ROBO1: variants seen among roughly 807,000 people sequenced by gnomAD.
ROBO1 encodes the protein roundabout guidance receptor 1.
In ROBO1, 149 loss-of-function variants were observed where a neutral mutation model predicts 195.9. That is an observed-to-expected ratio of 0.76 (90% CI 0.67 to 0.87). The LOEUF is 0.87. Ranked by LOEUF, ROBO1 falls within the 40% of genes least tolerant of loss-of-function variation. The probability of loss-of-function intolerance (pLI) is 0.00; values close to 1 mark genes in which losing one functional copy is unlikely to be tolerated. For missense variants in ROBO1, 1,933 were observed against 2,068.3 expected (o/e 0.93, Z 1.27); for synonymous variants, 816 against 733.2 (o/e 1.11, Z -1.82).
At chr3:79,752,096 A>G (rs531054093) in intron 1 of ROBO1, among the ~76,000 whole-genome samples, 2 of 152,278 alleles carry the variant, frequency 1.3e-5, no homozygotes, top group East Asian at 3.9e-4. Flanking sequence ...TACAATTCTG[A>G]CAGATGTAGG....
chr3:79,725,660 C>T lies in ROBO1; in HGVS notation c.-51+42092G>A, dbSNP rs563592045. Among the ~76,000 whole-genome samples, 246 of 152,210 alleles carry T rather than the reference C, an allele frequency of 1.6e-3. 1 individual carries two copies. The highest frequency in any genetic ancestry group is 5.4e-3 in the African/African-American group (225 of 41,530). ...TTATAATGCCCCTAAATTAATCACC[C>T]CCAAATCACCTCTTCTCCAGTTTCT... On this transcript the variant is annotated intron_variant, in intron 1 of 30. Coordinates refer to ENST00000464233, the MANE Select transcript of ROBO1 (RefSeq NM_002941.4).
intron 2 of ROBO1, among the ~76,000 whole-genome samples, chr3:79,404,687 C>A (rs570473417): frequency 2.6e-5 from 4 of 152,170 alleles, no homozygotes; most frequent in Middle Eastern, 3.4e-3. Flanking sequence ...TGGAAAGAGA[C>A]ATAGGATGAA....
intron 4 of ROBO1, among the ~76,000 whole-genome samples, chr3:78,813,743 G>GC (rs1397163884): frequency 2.0e-5 from 3 of 151,958 alleles, no homozygotes; most frequent in African/African-American, 7.2e-5. Context: ...TATAGTATTG[G>GC]CCTAAGTCTA....
intron 1 of ROBO1, among the ~76,000 whole-genome samples, chr3:79,716,516 T>G (rs1176041809): frequency 6.6e-6 from 1 of 151,972 alleles, no homozygotes; most frequent in East Asian, 1.9e-4. Context: ...CTAATTTATT[T>G]AACGAAACAA....
chr3:78,925,003 A>G (rs2107616388), intron 4 of ROBO1, among the ~76,000 whole-genome samples: 1 of 152,158 alleles, frequency 6.6e-6, no homozygotes, highest in South Asian at 2.1e-4. Context: ...TTAAAAATCT[A>G]AATTCCAAAT....
intron 2 of ROBO1, among the ~76,000 whole-genome samples, chr3:79,556,609 A>T (rs1481475200): frequency 6.6e-6 from 1 of 152,020 alleles, no homozygotes; most frequent in Non-Finnish European, 1.5e-5. Flanking sequence ...AGACATTGAC[A>T]AATTATTTTA....
At chr3:78,828,104 T>C (rs1286804860) in intron 4 of ROBO1, among the ~76,000 whole-genome samples, 2 of 152,234 alleles carry the variant, frequency 1.3e-5, no homozygotes, top group African/African-American at 2.4e-5. Flanking sequence ...GTTTGCTTTG[T>C]ATAATCAGAG....
At chr3:79,429,224 A>T (rs981948773) in intron 2 of ROBO1, among the ~76,000 whole-genome samples, 3 of 152,054 alleles carry the variant, frequency 2.0e-5, no homozygotes, top group African/African-American at 7.2e-5. Flanking sequence ...CCATACATAC[A>T]CTCCTTTGAA....
At chr3:78,614,576 T>C (rs1703995089) in intron 28 of ROBO1, 72 bp downstream of exon 28, 1 of 1,481,342 alleles carries the variant, frequency 6.8e-7, no homozygotes, top group Non-Finnish European at 9.2e-7. Context: ...AGTGAATGCA[T>C]TTGCTAGTCC....
In ROBO1 at chr3:78,681,336, T is replaced by TA. The variant is rs919252413; in HGVS notation, c.1342+4409dup. 6.9e-3 allele frequency among the ~76,000 whole-genome samples: 1,035 copies of TA among 149,310 alleles called. 5 individuals carry two copies. Among genetic ancestry groups the TA allele is most frequent in the Non-Finnish European group, 0.011 (718 of 67,156 alleles). On this transcript the variant is annotated intron_variant, in intron 10 of 30. Transcript: ENST00000464233. ...TACCCTAAAACTTAAAGTATAATAA[T>TA]AAAAAAAAAATCTATGGAGCATTTG...
intron 1 of ROBO1, among the ~76,000 whole-genome samples, chr3:79,710,001 A>G (rs973304876): frequency 2.0e-4 from 30 of 152,184 alleles, no homozygotes; most frequent in African/African-American, 7.2e-4. Context: ...TCTGTTGTTT[A>G]TAAGCCACCC....
chr3:78,880,319 A>G (rs2036107268), intron 4 of ROBO1, among the ~76,000 whole-genome samples: 2 of 152,168 alleles, frequency 1.3e-5, no homozygotes, highest in African/African-American at 4.8e-5. Context: ...TCCACAAAAC[A>G]AGAGCAGTGA....
rs1559711949 is a variant in ROBO1, at chr3:78,662,039, TG to T, written c.2041del (p.His681ThrfsTer17). 6.2e-7 allele frequency: 1 copy of T among 1,602,148 alleles called. No individual in the cohort carries two copies. Among genetic ancestry groups the T allele is most frequent in the East Asian group, 2.2e-5 (1 of 44,616 alleles). ...AGAGGAAGAAAGGACGGTGGGGTTG[TG>T]GAGGTGCAGAACAGCATTTCCCAGC... ...RELGNAVLHL[H>X]NPTVLSSSSI... On this transcript the variant is annotated frameshift_variant, in exon 15 of 31. Coordinates refer to ENST00000464233, the MANE Select transcript of ROBO1 (RefSeq NM_002941.4). LOFTEE classifies it high-confidence loss of function.
intron 4 of ROBO1, among the ~76,000 whole-genome samples, chr3:78,755,927 T>C (rs1164829734): frequency 6.6e-6 from 1 of 152,224 alleles, no homozygotes. Context: ...TATGCTACCA[T>C]ATTTCAAATC....
chr3:79,180,625 G>A (rs529984716), intron 2 of ROBO1, among the ~76,000 whole-genome samples: 48 of 152,290 alleles, frequency 3.2e-4, no homozygotes, highest in African/African-American at 1.1e-3. Flanking sequence ...CATTTCTCAA[G>A]GGTTGTTGTG....
chr3:79,472,873 C>G (rs1309712640), intron 2 of ROBO1, among the ~76,000 whole-genome samples: 2 of 151,994 alleles, frequency 1.3e-5, no homozygotes, highest in African/African-American at 4.8e-5. Flanking sequence ...TCAATCAAAT[C>G]TGGGGGTTAG....
intron 3 of ROBO1, among the ~76,000 whole-genome samples, chr3:79,072,357 T>C (rs1353489219): frequency 6.6e-6 from 1 of 151,926 alleles, no homozygotes; most frequent in Non-Finnish European, 1.5e-5. Context: ...TTGTTTCAAA[T>C]ATTTAAATAT....
At chr3:79,343,145 T>C (rs1028322842) in intron 2 of ROBO1, among the ~76,000 whole-genome samples, 1 of 152,180 alleles carries the variant, frequency 6.6e-6, no homozygotes, top group Admixed American at 6.6e-5. Context: ...TAACATGAAT[T>C]TAAGTTTCTT....
chr3:78,672,767 TAGA>T lies in ROBO1; in HGVS notation c.1343-2469_1343-2467del, dbSNP rs1315003531. On this transcript the variant is annotated intron_variant, in intron 10 of 30. Coordinates refer to ENST00000464233, the MANE Select transcript of ROBO1 (RefSeq NM_002941.4). The stretch of plus-strand genomic sequence containing the variant: ...TGCATTTATGAGTCAAATCTTAATT[TAGA>T]AGGAGACAAACCTTATATTCAGGTC... 3.3e-5 allele frequency among the ~76,000 whole-genome samples: 5 copies of T among 152,318 alleles called. No individual in the cohort carries two copies. In the South Asian group the frequency reaches 8.3e-4, roughly 25 times the overall value.
Sources: gnomAD v4.1 joint callset for allele counts (sites outside exome capture counted in the v4.1 genomes callset) on GRCh38, gnomAD v4.1.1 for gene constraint, MANE v1.5 for transcripts, NCBI Gene and HGNC (gene_info 2026-07-23, HGNC 2026-07-21) for gene names.